POSTN: variants seen among roughly 807,000 people sequenced by gnomAD.
POSTN encodes osteoblast specific factor 2 (fasciclin I-like).
POSTN carries 71 observed loss-of-function variants against 104.5 expected under a neutral mutation model. The observed-to-expected ratio is 0.68, with a 90% CI of 0.56 to 0.83. POSTN has a LOEUF of 0.83. Ranked by LOEUF, POSTN falls within the 40% of genes least tolerant of loss-of-function variation. POSTN has a pLI of 0.00. For missense variants in POSTN, 949 were observed against 1,006.8 expected, an observed-to-expected ratio of 0.94 and a Z score of 0.78; for synonymous variants, 355 against 340.7, an observed-to-expected ratio of 1.04 and a Z score of -0.46.
In POSTN at chr13:37,586,792, G is replaced by T; in HGVS notation, c.743C>A (p.Ser248Ter). 6.2e-7 allele frequency: 1 copy of T among 1,612,658 alleles called. No homozygotes were observed. Among genetic ancestry groups the T allele is most frequent in the Non-Finnish European group, 8.5e-7 (1 of 1,179,146 alleles). Reference sequence around the variant, plus strand: ...TGCTCTTGGACTTACTCTAAAAGATGAAAGGTCATCTTCTGCTTCAATGAA... The same window carrying T: ...TGCTCTTGGACTTACTCTAAAAGATTAAAGGTCATCTTCTGCTTCAATGAA... ...QDFIEAEDDLSSFRAAAITSD... is the reference protein window; with the variant it reads ...QDFIEAEDDL The change falls in exon 6 of 23, where the codon TCA becomes TAA. Residue 248 changes from serine (S) to a stop codon, truncating the protein, a stop_gained. Transcript: ENST00000379747. LOFTEE classifies it high-confidence loss of function.
rs1950258774 is a variant in POSTN at position 37,571,372 on chromosome 13, C to T, written c.2176G>A (p.Gly726Arg). 1.3e-6 allele frequency: 2 copies of T among 1,597,418 alleles called. No individual in the cohort carries two copies. The highest frequency in any genetic ancestry group is 1.3e-5 in the African/African-American group (1 of 74,382). The change falls in exon 18 of 23, where the codon GGA (glycine) becomes AGA (arginine). Residue 726 changes from glycine to arginine, a missense_variant. Coordinates refer to ENST00000379747, the MANE Select transcript of POSTN (RefSeq NM_006475.3). ...EGETITEVIH[G>R]EPIIKKYTKI... ...CCAGGTAACATAAGGAACGCACCTCCATGGATCACTTCAGTTATTGTTTCA... is the reference window on the plus strand; with the variant it reads ...CCAGGTAACATAAGGAACGCACCTCTATGGATCACTTCAGTTATTGTTTCA...
chr13:37,597,983 C>T (rs757055128), intron 1 of POSTN, among the ~76,000 whole-genome samples: 7 of 151,914 alleles, frequency 4.6e-5, no homozygotes, highest in Non-Finnish European at 7.4e-5. Context: ...TGCCAAGATC[C>T]GCTTAAAAAA....
At chr13:37,581,707 G>C (rs950414181) in intron 10 of POSTN, among the ~76,000 whole-genome samples, 1 of 152,002 alleles carries the variant, frequency 6.6e-6, no homozygotes, top group African/African-American at 2.4e-5. Context: ...CTGGGTGACA[G>C]AGTGAAATTC....
chr13:37,569,693 A>G lies in POSTN; in HGVS notation c.2347+51T>C, dbSNP rs564005075. On this transcript the variant is annotated intron_variant, in intron 20 of 22. Coordinates refer to ENST00000379747, the MANE Select transcript of POSTN (RefSeq NM_006475.3). ...ATGTAGAATGTTATTTTAGACTTGT[A>G]TATGGATAGCTTAGGTAAAGTCACA... 40 of 1,274,532 alleles carry G rather than the reference A, an allele frequency of 3.1e-5. No homozygotes were observed. The South Asian group carries it at 4.2e-4, about 13-fold the overall frequency. 79.0% of individuals were successfully genotyped at this position (1,274,532 alleles called of 1,614,324 possible). A position where few individuals can be genotyped will look rare whatever the true frequency, so the allele number is the denominator to read the frequency against.
At chr13:37,586,993 A>C in intron 5 of POSTN, 65 bp from the exon 6 acceptor site, 1 of 1,452,230 alleles carries the variant, frequency 6.9e-7, no homozygotes, top group Non-Finnish European at 9.5e-7. Context: ...TGAGACTGCA[A>C]GCCCATTCCC....
rs769927888 is a variant in POSTN at position 37,579,930 on chromosome 13, A to G, written c.1591T>C (p.Trp531Arg). Residue 531 changes from tryptophan (W) to arginine (R), a missense_variant, in exon 12 of 23, where the codon TGG (tryptophan) becomes CGG (arginine). By Grantham distance (101) the Trp-to-Arg change is moderately radical. Coordinates refer to ENST00000379747, the MANE Select transcript of POSTN (RefSeq NM_006475.3). ...LKELLTQPGD[W>R]TLFVPTNDAF... Reference sequence around the variant, plus strand: ...TCATTGGTTGGCACAAATAATGTCCAGTCTCCAGGTTGTGTCAGGAGCTCT... The same window carrying G: ...TCATTGGTTGGCACAAATAATGTCCGGTCTCCAGGTTGTGTCAGGAGCTCT... The G allele has an allele frequency of 1.9e-6, 3 of 1,613,564 alleles. No individual in the cohort carries two copies. In the East Asian group the frequency reaches 6.7e-5, roughly 36 times the overall value.
At chr13:37,590,051 C>T (rs1302542945) in intron 4 of POSTN, among the ~76,000 whole-genome samples, 4 of 152,050 alleles carry the variant, frequency 2.6e-5, no homozygotes, top group Non-Finnish European at 5.9e-5. Flanking sequence ...TTCTGTTAGA[C>T]ATGTTATCTG....
At chr13:37,584,143 T>C in intron 8 of POSTN, 40 bp from the exon 9 acceptor site, 1 of 1,608,354 alleles carries the variant, frequency 6.2e-7, no homozygotes, top group Non-Finnish European at 8.5e-7. Context: ...ATGTCATCAT[T>C]GCTATTATCT....
At chr13:37,586,751 A>G (rs117826484) in intron 6 of POSTN, 31 bp downstream of exon 6, 26 of 1,567,882 alleles carry the variant, frequency 1.7e-5, no homozygotes, top group Non-Finnish European at 2.2e-5. Flanking sequence ...AGGGATTTCA[A>G]TGACTCAAGA....
In POSTN at chr13:37,588,097, G is replaced by A. The variant is rs1950806713; in HGVS notation, c.442-111C>T. The stretch of plus-strand genomic sequence containing the variant: ...TATTTTCTCATTTCATTATCAGATG[G>A]TCATACAAAATTGACATAAATAACT... On this transcript the variant is annotated intron_variant, in intron 4 of 22. Coordinates refer to ENST00000379747, the MANE Select transcript of POSTN (RefSeq NM_006475.3). 4 of 879,450 alleles carry A rather than the reference G, an allele frequency of 4.5e-6. No individual in the cohort carries two copies. In the African/African-American group the frequency reaches 6.9e-5, roughly 15 times the overall value. 54.5% of individuals were successfully genotyped at this position (879,450 alleles called of 1,614,324 possible).
chr13:37,573,616 A>G lies in POSTN; in HGVS notation c.2089+956T>C, dbSNP rs187549332. On this transcript the variant is annotated intron_variant, in intron 17 of 22. Coordinates refer to ENST00000379747, the MANE Select transcript of POSTN (RefSeq NM_006475.3). ...AACCACCAAAAGAAATAGCAAAACC[A>G]AACATAAGTATAATTACAGTTTCCC... Among the ~76,000 whole-genome samples the G allele has an allele frequency of 2.6e-3, 400 of 151,748 alleles. 4 individuals carry two copies. Among genetic ancestry groups the G allele is most frequent in the African/African-American group, 8.6e-3 (357 of 41,544 alleles).
chr13:37,597,418 T>C, intron 1 of POSTN, 136 bp from the exon 2 acceptor site: 1 of 623,934 alleles, frequency 1.6e-6, no homozygotes, highest in Non-Finnish European at 2.7e-6. Flanking sequence ...CTTGCACAAA[T>C]CTAATTATTG....
In POSTN at chr13:37,569,360, T is replaced by C. The variant is rs1309854230; in HGVS notation, c.2371A>G (p.Ile791Val). ...AATAAATGACCATCACCACCTTCAA[T>C]GAATTTGGTGACCTTGGTGACCTCT... ...QEEVTKVTKF[I>V]EGGDGHLFED... The change falls in exon 21 of 23, where the codon ATT becomes GTT. Residue 791 changes from isoleucine (I) to valine (V), a missense_variant. Coordinates refer to ENST00000379747, the MANE Select transcript of POSTN (RefSeq NM_006475.3). 5 of 1,612,680 alleles carry C rather than the reference T, an allele frequency of 3.1e-6. No individual in the cohort carries two copies. In the East Asian group the frequency reaches 1.1e-4, roughly 36 times the overall value.
At chr13:37,577,825 A>G in intron 15 of POSTN, 27 bp from the exon 16 acceptor site, 1 of 1,612,992 alleles carries the variant, frequency 6.2e-7, no homozygotes, top group Non-Finnish European at 8.5e-7. Context: ...ATATTTAGTA[A>G]CATGAAAGGT....
chr13:37,567,167 C>A (rs984547033), intron 21 of POSTN, among the ~76,000 whole-genome samples: 1 of 125,112 alleles, frequency 8.0e-6, no homozygotes. Context: ...ACCCGGGAGG[C>A]GGAGCTTGCA....
At chr13:37,598,586 T>C in intron 1 of POSTN, 22 bp downstream of exon 1, 2 of 1,597,890 alleles carry the variant, frequency 1.3e-6, no homozygotes, top group Non-Finnish European at 1.7e-6. Context: ...AAATGGTTTA[T>C]AAAACCAAAC....
chr13:37,574,231 C>T (rs1468444545), intron 17 of POSTN, among the ~76,000 whole-genome samples: 1 of 151,068 alleles, frequency 6.6e-6, no homozygotes, highest in African/African-American at 2.4e-5. Context: ...GCAAACAAAG[C>T]AACATAAAGA....
In POSTN at chr13:37,581,450, C is replaced by T. The variant is rs141547364; in HGVS notation, c.1393-753G>A. Among the ~76,000 whole-genome samples the T allele has an allele frequency of 3.1e-3, 466 of 152,216 alleles. 3 individuals are homozygous for T. The highest frequency in any genetic ancestry group is 0.011 in the African/African-American group (450 of 41,544). On this transcript the variant is annotated intron_variant, in intron 10 of 22. Coordinates refer to ENST00000379747, the MANE Select transcript of POSTN (RefSeq NM_006475.3). ...AAATGTATGTTAGGGCTGGGTGCAG[C>T]GGCTCATGCCTGTAATCCCAGCACA...
intron 21 of POSTN, among the ~76,000 whole-genome samples, chr13:37,565,935 T>C (rs1593304896): frequency 6.6e-6 from 1 of 152,198 alleles, no homozygotes; most frequent in East Asian, 1.9e-4. Context: ...GTGGACTTAT[T>C]AAATTCCAAA....
Sources: allele counts gnomAD v4.1 joint callset (sites outside exome capture counted in the v4.1 genomes callset), GRCh38; gene constraint gnomAD v4.1.1; transcripts MANE v1.5; gene names NCBI Gene and HGNC (gene_info 2026-07-23, HGNC 2026-07-21).